Variants in ANK3 observed in about 807,000 individuals in gnomAD.
ANK3 encodes ankyrin 3.
A neutral mutation model predicts 370.9 loss-of-function variants in ANK3; 57 were observed. The ratio of observed to expected loss-of-function variants is 0.15; its 90% CI spans 0.12 to 0.19. The LOEUF is 0.19. Among genes scored for constraint, ANK3 ranks in the 10% least tolerant of loss-of-function variants. The probability of loss-of-function intolerance (pLI) is 1.00; values close to 1 mark genes in which losing one functional copy is unlikely to be tolerated. For missense variants in ANK3, 4,439 were observed against 5,302.1 expected (o/e 0.84, Z 5.06); for synonymous variants, 1,929 against 1,946.3 (o/e 0.99, Z 0.23).
intron 43 of ANK3, among the ~76,000 whole-genome samples, 188 bp downstream of exon 43, chr10:60,042,484 C>T (rs2393602): frequency 0.64 from 97,667 of 152,048 alleles, 31,647 homozygotes; most frequent in East Asian, 0.82. Flanking sequence ...ACTGTGAAAC[C>T]GAAGTCAAGT....
At chr10:60,049,875 C>A (rs779163697) in intron 42 of ANK3, among the ~76,000 whole-genome samples, 1 of 152,108 alleles carries the variant, frequency 6.6e-6, no homozygotes, top group Non-Finnish European at 1.5e-5. Flanking sequence ...TTTATCCCCG[C>A]CTTCCACTTT....
intron 1 of ANK3, among the ~76,000 whole-genome samples, chr10:60,318,513 C>G (rs1476573720): frequency 6.6e-6 from 1 of 152,198 alleles, no homozygotes; most frequent in Non-Finnish European, 1.5e-5. Flanking sequence ...TTCATGACCA[C>G]ATACAAATTG....
rs561749656 is a variant in ANK3, at chr10:60,247,915, C to T, written c.799-13129G>A. ...CTCTTGACCTCAGATGATGTGCCTG[C>T]CTCAGCCTCCCAAAGTGCTGGGATT... is the stretch of plus-strand genomic sequence containing the variant. On this transcript the variant is annotated intron_variant, in intron 7 of 43. Transcript: ENST00000280772. Among the ~76,000 whole-genome samples the T allele has an allele frequency of 1.2e-4, 19 of 152,302 alleles. 1 individual carries two copies. The highest frequency in any genetic ancestry group is 6.5e-4 in the Admixed American group (10 of 15,290).
intron 1 of ANK3, among the ~76,000 whole-genome samples, chr10:60,312,429 G>A (rs1306979553): frequency 6.6e-6 from 1 of 152,234 alleles, no homozygotes; most frequent in East Asian, 1.9e-4. Flanking sequence ...TGTGTTTACT[G>A]ATGATCCAGA....
intron 1 of ANK3, among the ~76,000 whole-genome samples, chr10:60,362,833 A>C (rs1183078996): frequency 6.6e-6 from 1 of 152,074 alleles, no homozygotes; most frequent in Admixed American, 6.5e-5. Flanking sequence ...AGTCTAGTTG[A>C]TGATGACCGC....
At chr10:60,473,050 T>C (rs2065256310) in intron 2 of ANK3, among the ~76,000 whole-genome samples, 1 of 152,138 alleles carries the variant, frequency 6.6e-6, no homozygotes, top group African/African-American at 2.4e-5. Flanking sequence ...TTGAGAGTAT[T>C]TTGAGCACAA....
At chr10:60,291,601 A>G (rs1209623104) in intron 1 of ANK3, among the ~76,000 whole-genome samples, 1 of 152,094 alleles carries the variant, frequency 6.6e-6, no homozygotes, top group Non-Finnish European at 1.5e-5. Flanking sequence ...TTCCACTGCT[A>G]ATGGTAAGTG....
rs183890413 is a variant in ANK3 at position 60,335,176 on chromosome 10, G to A, written c.114+54249C>T. Among the ~76,000 whole-genome samples the A allele has an allele frequency of 2.4e-3, 360 of 152,236 alleles. 1 individual carries two copies. Among genetic ancestry groups the A allele is most frequent in the Non-Finnish European group, 3.9e-3 (265 of 68,010 alleles). On this transcript the variant is annotated intron_variant, in intron 1 of 43. Transcript: ENST00000280772. ...GTATGGAATGCTTCCCGAGTTTGCA[G>A]TAGAGACTCCTGGATGCTCAAGAAC... is the stretch of plus-strand genomic sequence containing the variant.
intron 1 of ANK3, among the ~76,000 whole-genome samples, chr10:60,702,306 T>C (rs556797268): frequency 4.3e-4 from 65 of 151,620 alleles, no homozygotes; most frequent in Non-Finnish European, 6.9e-4. Context: ...GGCCTATCCA[T>C]ACAAAGAGGG....
At chr10:60,649,653 T>C (rs909769944) in intron 1 of ANK3, among the ~76,000 whole-genome samples, 4 of 152,228 alleles carry the variant, frequency 2.6e-5, no homozygotes, top group African/African-American at 9.6e-5. Context: ...TACAATCTAC[T>C]GAGCCCTAGG....
At chr10:60,285,634 T>C (rs2098232911) in intron 1 of ANK3, among the ~76,000 whole-genome samples, 1 of 152,064 alleles carries the variant, frequency 6.6e-6, no homozygotes, top group African/African-American at 2.4e-5. Context: ...TCCTGCATGC[T>C]CTTTCTAGGT....
chr10:60,406,217 G>A (rs1342186374), intron 2 of ANK3, among the ~76,000 whole-genome samples: 1 of 152,166 alleles, frequency 6.6e-6, no homozygotes, highest in Admixed American at 6.5e-5. Flanking sequence ...CATGAAAACA[G>A]CCATAGATGA....
At chr10:60,487,718 G>T (rs1362091238) in intron 2 of ANK3, among the ~76,000 whole-genome samples, 4 of 100,634 alleles carry the variant, frequency 4.0e-5, no homozygotes, top group East Asian at 5.1e-4. Flanking sequence ...TGATGATGTT[G>T]CATTTTTTTT....
chr10:60,123,182 C>A (rs12248766), intron 25 of ANK3, among the ~76,000 whole-genome samples: 1 of 152,046 alleles, frequency 6.6e-6, no homozygotes, highest in Non-Finnish European at 1.5e-5. Flanking sequence ...AAAATTCACA[C>A]GGAATTTTTA....
intron 1 of ANK3, among the ~76,000 whole-genome samples, chr10:60,696,536 T>A (rs1349825235): frequency 6.6e-6 from 1 of 151,106 alleles, no homozygotes; most frequent in African/African-American, 2.4e-5. Context: ...CAGCAGTACA[T>A]CAAAAAGCTT....
intron 8 of ANK3, among the ~76,000 whole-genome samples, chr10:60,214,238 A>C (rs562777600): frequency 6.6e-6 from 1 of 152,270 alleles, no homozygotes; most frequent in Admixed American, 6.5e-5. Context: ...GACAGGGTTC[A>C]GCATCAATAT....
At chr10:60,565,284 A>C (rs1016288496) in intron 2 of ANK3, among the ~76,000 whole-genome samples, 1 of 152,214 alleles carries the variant, frequency 6.6e-6, no homozygotes, top group African/African-American at 2.4e-5. Context: ...TAAGGAGTGC[A>C]CAACACAGAT....
At chr10:60,343,784 T>G (rs1310663930) in intron 1 of ANK3, among the ~76,000 whole-genome samples, 1 of 152,196 alleles carries the variant, frequency 6.6e-6, no homozygotes, top group Non-Finnish European at 1.5e-5. Context: ...CGTGTTGAAC[T>G]CCAGCATACA....
At chr10:60,630,971 A>G (rs949499627) in intron 1 of ANK3, among the ~76,000 whole-genome samples, 4 of 152,106 alleles carry the variant, frequency 2.6e-5, no homozygotes, top group African/African-American at 9.7e-5. Flanking sequence ...AATAAGATCT[A>G]CCCTGGAGGC....
Sources: allele counts gnomAD v4.1 joint callset (sites outside exome capture counted in the v4.1 genomes callset), GRCh38; gene constraint gnomAD v4.1.1; transcripts MANE v1.5; gene names NCBI Gene and HGNC (gene_info 2026-07-23, HGNC 2026-07-21).